The following HTATIP2 variants were observed in gnomAD, a reference collection of about 807,000 sequenced individuals.
HTATIP2 encodes protein HTATIP2.
HTATIP2 carries 26 observed loss-of-function variants against 24.7 expected under a neutral mutation model. The ratio of observed to expected loss-of-function variants is 1.05; its 90% CI spans 0.77 to 1.46. HTATIP2 has a LOEUF of 1.46. HTATIP2 is among the 40% of genes most tolerant of loss of function. HTATIP2 has a pLI of 0.00. For synonymous variants in HTATIP2, 99 were observed against 113.2 expected (o/e 0.87, Z 0.79); for missense variants, 284 against 289.6 (o/e 0.98, Z 0.14).
Position 20,364,166 on chromosome 11 carries a change from T to C in HTATIP2, c.-72T>C. 1 of 1,511,582 alleles carries C rather than the reference T, an allele frequency of 6.6e-7. No homozygotes were observed. The highest frequency in any genetic ancestry group is 8.9e-7 in the Non-Finnish European group (1 of 1,127,636). 93.6% of individuals were successfully genotyped at this position (1,511,582 alleles called of 1,614,324 possible). On this transcript the variant is annotated 5_prime_UTR_variant, in exon 1 of 5. Transcript: ENST00000451739. ...TCCTCCCTAACAGATAAACAGCCCT[T>C]GTTCCTCGGGATAAGGACTGGCAGT...
intron 1 of HTATIP2, among the ~76,000 whole-genome samples, chr11:20,366,757 GAAT>G (rs2133263953): frequency 6.6e-6 from 1 of 152,198 alleles, no homozygotes; most frequent in African/African-American, 2.4e-5. Flanking sequence ...AGTGTATGAT[GAAT>G]AATTTGCCCG....
intron 1 of HTATIP2, among the ~76,000 whole-genome samples, chr11:20,366,041 A>ATCTGTTTG (rs1394883631): frequency 6.7e-6 from 1 of 148,328 alleles, no homozygotes; most frequent in East Asian, 2.0e-4. Flanking sequence ...TTGGTGGCAC[A>ATCTGTTTG]TCTGTTTGAC....
At chr11:20,373,080 C>T (rs1414276090) in intron 2 of HTATIP2, among the ~76,000 whole-genome samples, 2 of 152,146 alleles carry the variant, frequency 1.3e-5, no homozygotes, top group African/African-American at 4.8e-5. Context: ...GGATTAACAG[C>T]CATTGATTGC....
chr11:20,383,162 C>T lies in HTATIP2; in HGVS notation c.686C>T (p.Ala229Val). 6.2e-7 allele frequency: 1 copy of T among 1,613,946 alleles called. No homozygotes were observed. Among genetic ancestry groups the T allele is most frequent in the Non-Finnish European group, 8.5e-7 (1 of 1,179,946 alleles). The stretch of plus-strand genomic sequence containing the variant: ...CAGATGGAACTGCTGGAGAACAAGG[C>T]CATCCATGACCTGGGGAAAGCGCAT... ...DKQMELLENK[A>V]IHDLGKAHGS... Residue 229 changes from alanine (A) to valine (V), a missense_variant, in exon 5 of 5, where the codon GCC (alanine) becomes GTC (valine). Transcript: ENST00000451739.
At chr11:20,366,118 T>C (rs1053033550) in intron 1 of HTATIP2, among the ~76,000 whole-genome samples, 4 of 142,592 alleles carry the variant, frequency 2.8e-5, no homozygotes, top group African/African-American at 7.8e-5. Context: ...TTTTTTTTTT[T>C]TGAGATGGAG....
chr11:20,363,922 C>A lies in HTATIP2; in HGVS notation c.-316C>A. ...CGGGGGCTGGCCCCAGGTAACCCCT[C>A]CGCGTATGGGACCGAGCTGGGCCAG... On this transcript the variant is annotated 5_prime_UTR_variant, in exon 1 of 5. Transcript: ENST00000451739. The A allele has an allele frequency of 8.0e-7, 1 of 1,242,420 alleles. No individual in the cohort carries two copies. Among genetic ancestry groups the A allele is most frequent in the Non-Finnish European group, 1.0e-6 (1 of 989,696 alleles). 77.0% of individuals were successfully genotyped at this position (1,242,420 alleles called of 1,614,324 possible).
chr11:20,379,635 G>T (rs1848491269), intron 3 of HTATIP2, among the ~76,000 whole-genome samples: 1 of 152,180 alleles, frequency 6.6e-6, no homozygotes, highest in South Asian at 2.1e-4. Context: ...TTCTGCTGGT[G>T]CCGTGGGGAG....
intron 4 of HTATIP2, 23 bp from the exon 5 acceptor site, chr11:20,382,952 CTTTCT>C (rs1158918369): frequency 6.5e-5 from 98 of 1,508,982 alleles, no homozygotes; most frequent in African/African-American, 3.5e-4. Flanking sequence ...CTCTGCTTTT[CTTTCT>C]TTTTTTTTTT....
chr11:20,375,495 C>G (rs185515625), intron 2 of HTATIP2, among the ~76,000 whole-genome samples: 1 of 152,186 alleles, frequency 6.6e-6, no homozygotes, highest in Admixed American at 6.5e-5. Context: ...CACTTGAACT[C>G]AGGAGGCAGA....
chr11:20,380,273 C>T (rs886147235), intron 3 of HTATIP2, among the ~76,000 whole-genome samples: 12 of 152,304 alleles, frequency 7.9e-5, no homozygotes, highest in African/African-American at 2.6e-4. Context: ...CAAGCACAAG[C>T]CAGGGGCCAA....
At chr11:20,374,495 G>A (rs1848412546) in intron 2 of HTATIP2, among the ~76,000 whole-genome samples, 1 of 152,140 alleles carries the variant, frequency 6.6e-6, no homozygotes, top group Non-Finnish European at 1.5e-5. Context: ...GCTTCTAGAG[G>A]CCACCCCCAT....
chr11:20,377,713 T>G (rs555891429), intron 3 of HTATIP2, among the ~76,000 whole-genome samples: 1 of 152,376 alleles, frequency 6.6e-6, no homozygotes, highest in South Asian at 2.1e-4. Flanking sequence ...GCCAACTTTT[T>G]CTATTTTGGG....
In HTATIP2 at chr11:20,383,451, C is replaced by T. The variant is rs990407224; in HGVS notation, c.*246C>T. ...CTATCTCAAACTTGAATCAAAATTT[C>T]TGGGGTGTGGGCACAATAATCTGTA... On this transcript the variant is annotated 3_prime_UTR_variant, in exon 5 of 5. Transcript: ENST00000451739. 2.0e-6 allele frequency: 1 copy of T among 491,374 alleles called. No individual in the cohort carries two copies. Among genetic ancestry groups the T allele is most frequent in the African/African-American group, 2.0e-5 (1 of 50,802 alleles). The allele number at this position is 491,374 out of a possible 1,614,324, so 30.4% of individuals were successfully genotyped here.
intron 3 of HTATIP2, among the ~76,000 whole-genome samples, chr11:20,379,446 C>A (rs986698031): frequency 1.3e-5 from 2 of 152,114 alleles, no homozygotes; most frequent in African/African-American, 2.4e-5. Context: ...GTGTAACATT[C>A]CTAGTATTTA....
intron 3 of HTATIP2, among the ~76,000 whole-genome samples, chr11:20,376,950 C>T (rs1198765203): frequency 1.3e-5 from 2 of 152,122 alleles, no homozygotes; most frequent in African/African-American, 4.8e-5. Context: ...GATATGGCAT[C>T]TCCAGCCTTG....
chr11:20,367,468 A>G (rs1467081426), intron 2 of HTATIP2, 187 bp downstream of exon 2: 2 of 1,467,096 alleles, frequency 1.4e-6, no homozygotes, highest in East Asian at 5.0e-5. Context: ...TCGTCTTTCA[A>G]AGTAATCCTT....
chr11:20,381,188 C>T (rs1367029078), intron 3 of HTATIP2, among the ~76,000 whole-genome samples: 2 of 152,112 alleles, frequency 1.3e-5, no homozygotes, highest in Non-Finnish European at 2.9e-5. Context: ...CCTGTAATCC[C>T]AGCACTTTGG....
Position 20,363,853 on chromosome 11 carries a change from T to C in HTATIP2, c.-385T>C, listed in dbSNP as rs1305138949. The C allele has an allele frequency of 3.2e-6, 4 of 1,244,180 alleles. No homozygotes were observed. Among genetic ancestry groups the C allele is most frequent in the Non-Finnish European group, 4.0e-6 (4 of 991,218 alleles). 77.1% of individuals were successfully genotyped at this position (1,244,180 alleles called of 1,614,324 possible). A position where few individuals can be genotyped will look rare whatever the true frequency, so the allele number is the denominator to read the frequency against. On this transcript the variant is annotated 5_prime_UTR_variant, in exon 1 of 5. Transcript: ENST00000451739. ...CGCTGAGCGCGGCGGCGGCGGCTGC[T>C]CTGGCGGCCGCCCTGCTCCTGCTGC...
chr11:20,378,495 G>A (rs1592321895), intron 3 of HTATIP2, among the ~76,000 whole-genome samples: 1 of 152,090 alleles, frequency 6.6e-6, no homozygotes, highest in African/African-American at 2.4e-5. Flanking sequence ...ACACATGTGG[G>A]TTCTGAGAAA....
Sources: gnomAD v4.1 joint callset for allele counts (sites outside exome capture counted in the v4.1 genomes callset) on GRCh38, gnomAD v4.1.1 for gene constraint, MANE v1.5 for transcripts, NCBI Gene and HGNC (gene_info 2026-07-23, HGNC 2026-07-21) for gene names.